The following ARB2A variants were observed in gnomAD, a reference collection of about 807,000 sequenced individuals.
The protein encoded by ARB2A is cotranscriptional regulator ARB2A.
the ARB2A span, among the ~76,000 whole-genome samples, chr5:93,988,546 G>T: frequency 6.6e-6 from 1 of 152,112 alleles, no homozygotes; most frequent in Non-Finnish European, 1.5e-5. Context: ...TAAGAAACTT[G>T]CACTTCCTTC....
the ARB2A span, among the ~76,000 whole-genome samples, chr5:93,974,220 A>C: frequency 6.6e-6 from 1 of 152,192 alleles, no homozygotes; most frequent in African/African-American, 2.4e-5. Context: ...GATCTTTCTC[A>C]AAGTAAAGAT....
chr5:94,019,718 T>G, the ARB2A span, among the ~76,000 whole-genome samples: 1 of 152,208 alleles, frequency 6.6e-6, no homozygotes, highest in South Asian at 2.1e-4. Flanking sequence ...TGGAAGACAG[T>G]GTGGCAATTC....
At chr5:93,969,018 CTTTTTTTTT>C in the ARB2A span, among the ~76,000 whole-genome samples, 1 of 113,220 alleles carries the variant, frequency 8.8e-6, no homozygotes, top group African/African-American at 3.3e-5. Flanking sequence ...GAATTTTTTT[CTTTTTTTTT>C]TTTTTTTTTT....
At chr5:93,844,232 T>C in the ARB2A span, among the ~76,000 whole-genome samples, 1 of 151,864 alleles carries the variant, frequency 6.6e-6, no homozygotes, top group Admixed American at 6.6e-5. Context: ...CTGCTTGAAC[T>C]CAGGAGTTCA....
At chr5:93,806,076 T>G in the ARB2A span, among the ~76,000 whole-genome samples, 1 of 151,894 alleles carries the variant, frequency 6.6e-6, no homozygotes, top group Non-Finnish European at 1.5e-5. Context: ...CAAGATGATG[T>G]ACATTCCATT....
the ARB2A span, among the ~76,000 whole-genome samples, chr5:94,043,592 A>T: frequency 6.6e-6 from 1 of 152,212 alleles, no homozygotes; most frequent in African/African-American, 2.4e-5. Context: ...TGTAGAGCCA[A>T]TAAAAGCCCC....
the ARB2A span, among the ~76,000 whole-genome samples, chr5:94,101,117 A>C: frequency 0.014 from 2,129 of 152,296 alleles, 52 homozygotes; most frequent in African/African-American, 0.048. Context: ...AGAGAAAAAC[A>C]AACAACCCTA....
the ARB2A span, chr5:93,621,092 A>G: frequency 1.8e-5 from 29 of 1,612,172 alleles, no homozygotes; most frequent in South Asian, 2.9e-4. Context: ...AAATAGACGG[A>G]AAGCTCTTCC....
At chr5:93,848,387 TAAAA>T in the ARB2A span, among the ~76,000 whole-genome samples, 2 of 131,618 alleles carry the variant, frequency 1.5e-5, no homozygotes, top group African/African-American at 5.5e-5. Context: ...GTCTAAAGAT[TAAAA>T]AAAAAAAAAA....
chr5:93,830,311 G>GTGTATGTGTATATATATA, the ARB2A span, among the ~76,000 whole-genome samples: 6 of 82,258 alleles, frequency 7.3e-5, no homozygotes, highest in African/African-American at 3.1e-4. Flanking sequence ...GTGTGTGTGT[G>GTGTATGTGTATATATATA]TATATATATA....
At chr5:93,764,811 A>C in the ARB2A span, among the ~76,000 whole-genome samples, 1 of 152,124 alleles carries the variant, frequency 6.6e-6, no homozygotes, top group Non-Finnish European at 1.5e-5. Flanking sequence ...TACTGGCAAA[A>C]TGAATCCAGC....
the ARB2A span, among the ~76,000 whole-genome samples, chr5:94,077,657 T>C: frequency 6.6e-6 from 1 of 152,174 alleles, no homozygotes; most frequent in African/African-American, 2.4e-5. Context: ...TGTTGGCACA[T>C]TTGATATATA....
At chr5:94,061,195 G>C in the ARB2A span, among the ~76,000 whole-genome samples, 49 of 151,950 alleles carry the variant, frequency 3.2e-4, no homozygotes, top group African/African-American at 1.1e-3. Flanking sequence ...CCAAGACTGC[G>C]CCACTGCACT....
At chr5:93,761,228 A>G in the ARB2A span, among the ~76,000 whole-genome samples, 1 of 152,096 alleles carries the variant, frequency 6.6e-6, no homozygotes. Context: ...TGGGTGCAGC[A>G]CACCGAGCGT....
the ARB2A span, among the ~76,000 whole-genome samples, chr5:93,831,143 T>C: frequency 3.3e-5 from 5 of 152,174 alleles, no homozygotes; most frequent in African/African-American, 1.2e-4. Context: ...CTTGCTTGCC[T>C]GCTGCTCACC....
At chr5:93,791,853 C>T in the ARB2A span, among the ~76,000 whole-genome samples, 2 of 151,958 alleles carry the variant, frequency 1.3e-5, no homozygotes, top group African/African-American at 4.8e-5. Context: ...CTTCCTTTTC[C>T]TTTCCTGCCT....
the ARB2A span, among the ~76,000 whole-genome samples, chr5:93,761,637 A>T: frequency 6.6e-6 from 1 of 152,200 alleles, no homozygotes; most frequent in Non-Finnish European, 1.5e-5. Context: ...GGGGCAGGGC[A>T]TTGCAAAACA....
chr5:94,094,555 G>A, the ARB2A span, among the ~76,000 whole-genome samples: 29 of 152,282 alleles, frequency 1.9e-4, 1 homozygote, highest in East Asian at 3.7e-3. Context: ...AGGGACATTC[G>A]TATTATAATA....
At chr5:93,704,478 C>T in the ARB2A span, among the ~76,000 whole-genome samples, 1 of 152,146 alleles carries the variant, frequency 6.6e-6, no homozygotes, top group East Asian at 1.9e-4. Context: ...AGGGGAGGAT[C>T]GCTTGAGCAC....
Sources: gnomAD v4.1 joint callset for allele counts (sites outside exome capture counted in the v4.1 genomes callset) on GRCh38, gnomAD v4.1.1 for gene constraint, MANE v1.5 for transcripts, NCBI Gene and HGNC (gene_info 2026-07-23, HGNC 2026-07-21) for gene names.